PALLD: variants seen among roughly 807,000 people sequenced by gnomAD.
PALLD encodes the protein palladin.
In PALLD, 61 loss-of-function variants were observed where a neutral mutation model predicts 123.5. The ratio of observed to expected loss-of-function variants is 0.49; its 90% confidence interval spans 0.40 to 0.61. The LOEUF is 0.61. Ranked by LOEUF, PALLD falls within the 20% of genes least tolerant of loss-of-function variation. The pLI, the probability that PALLD is intolerant of heterozygous loss-of-function variation, is 0.00. For missense variants in PALLD, 1,273 were observed against 1,377.0 expected (o/e 0.92, Z 1.20); for synonymous variants, 465 against 496.4 (o/e 0.94, Z 0.84).
chr4:168,719,244 G>GTAATCT (rs1208522543), intron 10 of PALLD, among the ~76,000 whole-genome samples: 2 of 127,868 alleles, frequency 1.6e-5, no homozygotes, highest in African/African-American at 5.8e-5. Context: ...ATTATCAAAA[G>GTAATCT]TAATCTTCTT....
chr4:168,796,490 T>C (rs1542869), intron 10 of PALLD, among the ~76,000 whole-genome samples: 133,925 of 152,208 alleles, frequency 0.88, 59,222 homozygotes, highest in Middle Eastern at 0.95. Flanking sequence ...TTGGCAGTTA[T>C]TAAGGTACAC....
intron 10 of PALLD, among the ~76,000 whole-genome samples, chr4:168,747,165 T>C (rs1444852230): frequency 6.6e-6 from 1 of 152,246 alleles, no homozygotes; most frequent in Non-Finnish European, 1.5e-5. Context: ...CTACTATTTA[T>C]CTTTTGTGCT....
At chr4:168,827,517 A>G (rs1160612870) in intron 10 of PALLD, among the ~76,000 whole-genome samples, 2 of 152,278 alleles carry the variant, frequency 1.3e-5, no homozygotes, top group Non-Finnish European at 2.9e-5. Context: ...ATGGACTAAA[A>G]GCTGATCTTA....
rs1446406744 is a variant in PALLD at position 168,890,915 on chromosome 4, C to A, written c.1965-7C>A. 10 of 1,613,754 alleles carry A rather than the reference C, an allele frequency of 6.2e-6. 1 individual carries two copies. The South Asian group carries it at 9.9e-5, about 16-fold the overall frequency. On this transcript the variant is annotated splice_region_variant and splice_polypyrimidine_tract_variant and intron_variant, in intron 10 of 21. Coordinates refer to ENST00000505667, the MANE Select transcript of PALLD (RefSeq NM_001166108.2). ...TAACTATACTGCCTTGTGTTTTTAT[C>A]CTGCAGAGGATTTCCAAAGAAGGCC...
intron 2 of PALLD, among the ~76,000 whole-genome samples, chr4:168,588,263 C>A (rs934073727): frequency 6.6e-6 from 1 of 151,954 alleles, no homozygotes; most frequent in Non-Finnish European, 1.5e-5. Flanking sequence ...ATGAAACTGG[C>A]CCATTATTGT....
intron 10 of PALLD, among the ~76,000 whole-genome samples, chr4:168,846,700 TC>T (rs1746905626): frequency 6.6e-6 from 1 of 151,886 alleles, no homozygotes; most frequent in Non-Finnish European, 1.5e-5. Flanking sequence ...AAGATAGGAG[TC>T]CTCTAACTGC....
Position 168,924,410 on chromosome 4 carries a change from G to A in PALLD, c.3214G>A (p.Asp1072Asn). Residue 1072 changes from aspartate to asparagine, a missense_variant, in exon 19 of 22, where the codon GAC (aspartate) becomes AAC (asparagine). Asp to Asn is a conservative substitution (Grantham distance 23). Coordinates refer to ENST00000505667, the MANE Select transcript of PALLD (RefSeq NM_001166108.2). ...KENESLTHST[D>N]RVSMHQDNHG... ...AAATGAATCACTCACTCACAGCACT[G>A]ACCGAGTGAGGTAAGACTGCACAAT... The A allele has an allele frequency of 2.5e-6, 4 of 1,613,546 alleles. No homozygotes were observed. The highest frequency in any genetic ancestry group is 1.1e-5 in the South Asian group (1 of 91,028).
At chr4:168,762,466 C>T (rs1419932307) in intron 10 of PALLD, among the ~76,000 whole-genome samples, 2 of 151,604 alleles carry the variant, frequency 1.3e-5, no homozygotes, top group Non-Finnish European at 2.9e-5. Flanking sequence ...GGAGTGAGAC[C>T]CTATCCCAAA....
intron 2 of PALLD, among the ~76,000 whole-genome samples, chr4:168,638,558 A>G (rs1423523895): frequency 6.6e-6 from 1 of 152,242 alleles, no homozygotes; most frequent in Non-Finnish European, 1.5e-5. Flanking sequence ...TAAACTGGAT[A>G]CATTATAAAC....
At chr4:168,746,378 CTCA>C (rs1240557591) in intron 10 of PALLD, among the ~76,000 whole-genome samples, 15 of 25,212 alleles carry the variant, frequency 5.9e-4, no homozygotes, top group African/African-American at 2.2e-3. Context: ...GAGAACCCGT[CTCA>C]AAAAAAAAAA....
chr4:168,600,295 T>C (rs1320644525), intron 2 of PALLD, among the ~76,000 whole-genome samples: 3 of 152,204 alleles, frequency 2.0e-5, no homozygotes, highest in Non-Finnish European at 2.9e-5. Context: ...GTGGCTATTT[T>C]TGGGGATTAG....
chr4:168,687,780 C>G (rs1366053135), intron 6 of PALLD, among the ~76,000 whole-genome samples: 1 of 152,198 alleles, frequency 6.6e-6, no homozygotes, highest in African/African-American at 2.4e-5. Context: ...GGTCTTTCCC[C>G]CTTCCCCAAA....
chr4:168,916,733 T>G (rs1760198121), intron 17 of PALLD, among the ~76,000 whole-genome samples: 1 of 146,370 alleles, frequency 6.8e-6, no homozygotes, highest in Non-Finnish European at 1.5e-5. Flanking sequence ...CAGGCTGGAG[T>G]GCAGTGGTGC....
intron 8 of PALLD, among the ~76,000 whole-genome samples, chr4:168,706,830 G>A (rs554584997): frequency 6.6e-6 from 1 of 152,200 alleles, no homozygotes; most frequent in East Asian, 1.9e-4. Flanking sequence ...GACAAATTTT[G>A]AAATGATAGA....
chr4:168,676,526 T>C (rs936092869), intron 3 of PALLD, among the ~76,000 whole-genome samples: 2 of 149,010 alleles, frequency 1.3e-5, no homozygotes, highest in Non-Finnish European at 3.0e-5. Flanking sequence ...ATTATGTTTA[T>C]TTTATTTTTA....
intron 2 of PALLD, among the ~76,000 whole-genome samples, chr4:168,574,816 C>A (rs72982732): frequency 0.015 from 2,271 of 152,142 alleles, 55 homozygotes; most frequent in African/African-American, 0.051. Flanking sequence ...GGCTTTGTCA[C>A]AGAGGCTCTA....
chr4:168,807,558 C>A (rs373148657), intron 10 of PALLD, among the ~76,000 whole-genome samples: 1 of 152,010 alleles, frequency 6.6e-6, no homozygotes, highest in Non-Finnish European at 1.5e-5. Flanking sequence ...TACAGGCAAG[C>A]GCCACCATGC....
chr4:168,770,529 A>G, intron 10 of PALLD, among the ~76,000 whole-genome samples: 1 of 152,216 alleles, frequency 6.6e-6, no homozygotes, highest in East Asian at 1.9e-4. Flanking sequence ...CTTGGCTTCT[A>G]ACCTTCCTGG....
At chr4:168,539,902 T>C (rs1318526238) in intron 2 of PALLD, among the ~76,000 whole-genome samples, 1 of 152,166 alleles carries the variant, frequency 6.6e-6, no homozygotes, top group Non-Finnish European at 1.5e-5. Context: ...GTACGATTGA[T>C]CTGGTCACCC....
Sources: gnomAD v4.1 joint callset for allele counts (sites outside exome capture counted in the v4.1 genomes callset) on GRCh38, gnomAD v4.1.1 for gene constraint, MANE v1.5 for transcripts, NCBI Gene and HGNC (gene_info 2026-07-23, HGNC 2026-07-21) for gene names.